The following ZNRF1 variants were observed in gnomAD, a reference collection of about 807,000 sequenced individuals.
ZNRF1 encodes the protein zinc and ring finger 1.
Under a neutral mutation model 18.4 loss-of-function variants are expected in ZNRF1, and 3 were observed. The observed-to-expected ratio is 0.16, with a 90% confidence interval of 0.07 to 0.42. The LOEUF (loss-of-function observed/expected upper bound fraction) is 0.42, where lower values mean the gene tolerates loss of function less well. ZNRF1 is among the 10% of genes least tolerant of loss of function. The pLI is 0.99. For missense variants in ZNRF1, 310 were observed against 329.8 expected (o/e 0.94, Z 0.47); for synonymous variants, 157 against 144.2 (o/e 1.09, Z -0.64).
intron 2 of ZNRF1, among the ~76,000 whole-genome samples, chr16:75,102,798 C>T (rs995639383): frequency 1.3e-5 from 2 of 152,298 alleles, no homozygotes; most frequent in South Asian, 2.1e-4. Flanking sequence ...GAATCCGTCC[C>T]TTCCTTCTCA....
chr16:75,027,673 C>A (rs919737867), intron 1 of ZNRF1, among the ~76,000 whole-genome samples: 1 of 152,230 alleles, frequency 6.6e-6, no homozygotes, highest in East Asian at 1.9e-4. Flanking sequence ...ATCCTCTTCC[C>A]CTCTTTTGCC....
At chr16:75,082,104 ACT>A (rs987695268) in intron 1 of ZNRF1, among the ~76,000 whole-genome samples, 1 of 151,290 alleles carries the variant, frequency 6.6e-6, no homozygotes, top group Non-Finnish European at 1.5e-5. Context: ...GCGGTCTTGA[ACT>A]CCTGACTTAA....
rs527607750 is a variant in ZNRF1 at position 75,105,831 on chromosome 16, G to C, written c.627-651G>C. Reference sequence around the variant, plus strand: ...AGGAAGCTGTCTTGGGGCAATCTCTGTTCCCTCTTTGATGCAGAGAGCCTT... The same window carrying C: ...AGGAAGCTGTCTTGGGGCAATCTCTCTTCCCTCTTTGATGCAGAGAGCCTT... On this transcript the variant is annotated intron_variant, in intron 3 of 4. Transcript: ENST00000335325. 5.9e-5 allele frequency: 9 copies of C among 152,414 alleles called. No individual in the cohort carries two copies. The East Asian group carries it at 1.3e-3, about 23-fold the overall frequency. The allele number at this position is 152,414 out of a possible 1,614,324, so 9.4% of individuals were successfully genotyped here.
At chr16:75,078,297 T>A (rs1431692508) in intron 1 of ZNRF1, among the ~76,000 whole-genome samples, 6 of 91,596 alleles carry the variant, frequency 6.6e-5, no homozygotes, top group African/African-American at 3.7e-4. Flanking sequence ...CTTTCTTTCC[T>A]TTTTTTTTTT....
At chr16:75,058,730 A>G (rs2035700088) in intron 1 of ZNRF1, among the ~76,000 whole-genome samples, 1 of 152,170 alleles carries the variant, frequency 6.6e-6, no homozygotes, top group African/African-American at 2.4e-5. Flanking sequence ...GGTAGATGGC[A>G]GTGGGTGTTG....
intron 1 of ZNRF1, among the ~76,000 whole-genome samples, chr16:75,066,068 T>C (rs1191692208): frequency 6.6e-6 from 1 of 152,112 alleles, no homozygotes; most frequent in Non-Finnish European, 1.5e-5. Flanking sequence ...GCAGCTAGGC[T>C]CCAAACTCGT....
At chr16:75,047,460 A>C (rs560386543) in intron 1 of ZNRF1, among the ~76,000 whole-genome samples, 1 of 152,214 alleles carries the variant, frequency 6.6e-6, no homozygotes, top group Non-Finnish European at 1.5e-5. Context: ...GCCTGGCTCA[A>C]TTTATTTATT....
chr16:75,022,544 C>T (rs1227255014), intron 1 of ZNRF1, among the ~76,000 whole-genome samples: 25 of 148,136 alleles, frequency 1.7e-4, no homozygotes, highest in South Asian at 6.4e-4. Flanking sequence ...CCAGCCTGGG[C>T]GACAAAGCGA....
chr16:75,072,883 C>A (rs1361090811), intron 1 of ZNRF1, among the ~76,000 whole-genome samples: 1 of 152,198 alleles, frequency 6.6e-6, no homozygotes. Flanking sequence ...CATTTGAGCC[C>A]CTCCAGCTTC....
chr16:75,070,287 C>T (rs746931598), intron 1 of ZNRF1, among the ~76,000 whole-genome samples: 4 of 152,184 alleles, frequency 2.6e-5, no homozygotes, highest in South Asian at 2.1e-4. Flanking sequence ...TTCACACCAC[C>T]GATAGCCTGA....
chr16:75,022,565 CA>C (rs372197372), intron 1 of ZNRF1, among the ~76,000 whole-genome samples: 4 of 127,676 alleles, frequency 3.1e-5, no homozygotes, highest in African/African-American at 2.8e-5. Context: ...GACTCCGTCT[CA>C]AAAAAAAAAC....
chr16:75,090,943 G>GT (rs1208245268), intron 1 of ZNRF1, among the ~76,000 whole-genome samples: 1 of 152,124 alleles, frequency 6.6e-6, no homozygotes, highest in African/African-American at 2.4e-5. Context: ...TAGAGGCAGA[G>GT]TTTAACTATG....
In ZNRF1 at chr16:74,999,869, G is replaced by C. The variant is rs1168209024; in HGVS notation, c.198G>C (p.Gly66=). The change falls in exon 1 of 5, where the codon GGG becomes GGC. Residue 66 remains glycine (G), a synonymous_variant. Transcript: ENST00000335325. ...GMGMDPSTAG[G]VPFGLYTPAS... ...GCATGGACCCCAGCACGGCCGGGGG[G>C]GTGCCCTTTGGCCTCTACACCCCCG... 6.6e-7 allele frequency: 1 copy of C among 1,524,812 alleles called. No homozygotes were observed. Among genetic ancestry groups the C allele is most frequent in the Non-Finnish European group, 8.8e-7 (1 of 1,139,984 alleles). 94.5% of individuals were successfully genotyped at this position (1,524,812 alleles called of 1,614,324 possible). A position where few individuals can be genotyped will look rare whatever the true frequency, so the allele number is the denominator to read the frequency against.
At chr16:75,018,113 C>A (rs938903539) in intron 1 of ZNRF1, among the ~76,000 whole-genome samples, 1 of 152,188 alleles carries the variant, frequency 6.6e-6, no homozygotes, top group East Asian at 1.9e-4. Flanking sequence ...ACATCACTCA[C>A]AACAGTGCCC....
chr16:75,104,744 G>A, intron 2 of ZNRF1, 40 bp from the exon 3 acceptor site: 3 of 1,549,554 alleles, frequency 1.9e-6, no homozygotes, highest in South Asian at 2.4e-5. Flanking sequence ...CTGTCCACTG[G>A]TGACTAACCC....
intron 1 of ZNRF1, among the ~76,000 whole-genome samples, chr16:75,069,600 G>T (rs2035845909): frequency 6.6e-6 from 1 of 152,192 alleles, no homozygotes; most frequent in African/African-American, 2.4e-5. Context: ...TTTTAGTAGA[G>T]ATGGGGTTTT....
At chr16:75,057,594 C>T (rs953699806) in intron 1 of ZNRF1, among the ~76,000 whole-genome samples, 1 of 152,094 alleles carries the variant, frequency 6.6e-6, no homozygotes, top group Non-Finnish European at 1.5e-5. Flanking sequence ...GCAAGAAATT[C>T]GATGGAATTG....
intron 1 of ZNRF1, among the ~76,000 whole-genome samples, chr16:75,075,442 T>C (rs557245523): frequency 5.7e-4 from 87 of 152,360 alleles, no homozygotes; most frequent in Admixed American, 7.2e-4. Flanking sequence ...CACGCTTCAC[T>C]GTCCTACTTA....
intron 2 of ZNRF1, among the ~76,000 whole-genome samples, chr16:75,094,194 TGACGGGG>T (rs2036172856): frequency 6.6e-6 from 1 of 152,122 alleles, no homozygotes. Flanking sequence ...CCAGAGAGCT[TGACGGGG>T]GACTATGTGT....
Sources: gnomAD v4.1 joint callset for allele counts (sites outside exome capture counted in the v4.1 genomes callset) on GRCh38, gnomAD v4.1.1 for gene constraint, MANE v1.5 for transcripts, NCBI Gene and HGNC (gene_info 2026-07-23, HGNC 2026-07-21) for gene names.